THSD7A: variants seen among roughly 807,000 people sequenced by gnomAD.
The protein encoded by THSD7A is thrombospondin type-1 domain-containing protein 7A.
In THSD7A, 96 loss-of-function variants were observed where a neutral mutation model predicts 231.3. That is an observed-to-expected ratio of 0.41 (90% CI 0.35 to 0.49). THSD7A has a LOEUF of 0.49. Among genes scored for constraint, THSD7A ranks in the 20% least tolerant of loss-of-function variants. THSD7A has a pLI of 0.05. For missense variants in THSD7A, 2,290 were observed against 2,070.2 expected, an observed-to-expected ratio of 1.11 and a Z score of -2.06; for synonymous variants, 940 against 743.3, an observed-to-expected ratio of 1.26 and a Z score of -4.30.
intron 6 of THSD7A, among the ~76,000 whole-genome samples, chr7:11,484,735 T>C (rs1407123806): frequency 6.6e-6 from 1 of 152,078 alleles, no homozygotes; most frequent in Non-Finnish European, 1.5e-5. Context: ...AATAGAGATC[T>C]AAGCACAGTA....
At chr7:11,484,222 C>T (rs1786551945) in intron 6 of THSD7A, among the ~76,000 whole-genome samples, 1 of 152,086 alleles carries the variant, frequency 6.6e-6, no homozygotes, top group Non-Finnish European at 1.5e-5. Context: ...CCAACCCTTC[C>T]AGGTATGATC....
intron 13 of THSD7A, among the ~76,000 whole-genome samples, chr7:11,431,245 T>C (rs775393099): frequency 3.3e-5 from 5 of 152,252 alleles, no homozygotes; most frequent in Non-Finnish European, 4.4e-5. Flanking sequence ...TTGTTAGTGC[T>C]TTGGTATTAT....
At chr7:11,439,891 C>T (rs1784748722) in intron 13 of THSD7A, among the ~76,000 whole-genome samples, 1 of 152,014 alleles carries the variant, frequency 6.6e-6, no homozygotes, top group Non-Finnish European at 1.5e-5. Context: ...ATTAAGATGA[C>T]TACATTAAGC....
chr7:11,493,681 A>G (rs1786988397), intron 6 of THSD7A, among the ~76,000 whole-genome samples: 1 of 152,052 alleles, frequency 6.6e-6, no homozygotes, highest in African/African-American at 2.4e-5. Context: ...CCATTGTACC[A>G]TTTTAATTTG....
At chr7:11,786,510 A>G (rs1363650712) in intron 1 of THSD7A, among the ~76,000 whole-genome samples, 1 of 152,064 alleles carries the variant, frequency 6.6e-6, no homozygotes, top group African/African-American at 2.4e-5. Flanking sequence ...GTAATGCTAC[A>G]AAAGGTATGA....
chr7:11,541,554 G>C lies in THSD7A; in HGVS notation c.1687C>G (p.Leu563Val). The change falls in exon 6 of 28, where the codon CTG becomes GTG. Residue 563 changes from leucine to valine, a missense_variant. By Grantham distance (32) the Leu-to-Val change is conservative. Transcript: ENST00000423059. The part of the protein sequence containing the change: ...SGVTGNCPHL[L>V]EAIPCEEPAC... ...GGCTCTTCACAGGGAATGGCTTCCA[G>C]TAAGTGAGGGCAGTTTCCGGTTACC... The C allele has an allele frequency of 6.2e-7, 1 of 1,613,954 alleles. No homozygotes were observed. The highest frequency in any genetic ancestry group is 1.1e-5 in the South Asian group (1 of 91,086).
rs1782566872 is a variant in THSD7A at position 11,653,063 on chromosome 7, A to T, written c.191-16102T>A. On this transcript the variant is annotated intron_variant, in intron 1 of 27. Coordinates refer to ENST00000423059, the MANE Select transcript of THSD7A (RefSeq NM_015204.3). ...TTTATATGGCATTTATTGTTTACTT[A>T]TTCTATAGAAGACACTGTATTGTTT... Among the ~76,000 whole-genome samples the T allele has an allele frequency of 3.3e-5, 5 of 152,026 alleles. No homozygotes were observed. The South Asian group carries it at 1.0e-3, about 32-fold the overall frequency.
intron 1 of THSD7A, among the ~76,000 whole-genome samples, chr7:11,658,533 C>G (rs1782793980): frequency 1.3e-5 from 2 of 151,496 alleles, no homozygotes; most frequent in Admixed American, 1.3e-4. Context: ...GTTACATTTT[C>G]ATAGGTTCTA....
At chr7:11,749,973 A>C (rs1316139816) in intron 1 of THSD7A, among the ~76,000 whole-genome samples, 1 of 151,934 alleles carries the variant, frequency 6.6e-6, no homozygotes, top group Non-Finnish European at 1.5e-5. Context: ...GGCAGTTGTT[A>C]ATATAATAAT....
intron 1 of THSD7A, among the ~76,000 whole-genome samples, chr7:11,702,680 G>T (rs1780642407): frequency 6.6e-6 from 1 of 151,172 alleles, no homozygotes. Context: ...GAATCTTGGG[G>T]AGTCATTTTA....
Position 11,431,188 on chromosome 7 carries a change from CA to C in THSD7A, c.3065-2064del, listed in dbSNP as rs761792233. Among the ~76,000 whole-genome samples the C allele has an allele frequency of 2.2e-4, 33 of 152,258 alleles. No individual in the cohort carries two copies. In the South Asian group the frequency reaches 3.1e-3, roughly 14 times the overall value. Reference sequence around the variant, plus strand: ...TAAAATTTTGGTGTTGTTTGAAGAACAAAAGTTTTAAATGTCAATGAAGTCC... The same window carrying C: ...TAAAATTTTGGTGTTGTTTGAAGAACAAAGTTTTAAATGTCAATGAAGTCC... On this transcript the variant is annotated intron_variant, in intron 13 of 27. Coordinates refer to ENST00000423059, the MANE Select transcript of THSD7A (RefSeq NM_015204.3).
intron 2 of THSD7A, among the ~76,000 whole-genome samples, chr7:11,594,929 G>GA (rs1162687228): frequency 6.6e-6 from 1 of 152,214 alleles, no homozygotes; most frequent in Non-Finnish European, 1.5e-5. Context: ...TTGGAATGCA[G>GA]ACGTGTGGGG....
Position 11,542,833 on chromosome 7 carries a change from T to A in THSD7A, c.1609+129A>T, listed in dbSNP as rs980687546. 14 of 1,028,004 alleles carry A rather than the reference T, an allele frequency of 1.4e-5. 2 individuals are homozygous for A. The highest frequency in any genetic ancestry group is 3.0e-5 in the Admixed American group (1 of 33,726). 63.7% of individuals were successfully genotyped at this position (1,028,004 alleles called of 1,614,324 possible). ...CACTGGAGAAGGTTAATTCATCTTT[T>A]GAAATTAATAGTCTTTAGCCATTCT... On this transcript the variant is annotated intron_variant, in intron 5 of 27. Coordinates refer to ENST00000423059, the MANE Select transcript of THSD7A (RefSeq NM_015204.3).
intron 11 of THSD7A, among the ~76,000 whole-genome samples, chr7:11,454,792 T>G (rs1785252074): frequency 6.6e-6 from 1 of 151,994 alleles, no homozygotes; most frequent in South Asian, 2.1e-4. Context: ...AGAGAATGTA[T>G]TATATTGAAT....
chr7:11,403,356 A>AG (rs111802654), intron 22 of THSD7A, among the ~76,000 whole-genome samples: 4 of 152,328 alleles, frequency 2.6e-5, no homozygotes, highest in African/African-American at 7.2e-5. Context: ...TGATTTTTGT[A>AG]GGCCTTTATT....
At chr7:11,699,655 G>T (rs901698618) in intron 1 of THSD7A, among the ~76,000 whole-genome samples, 1 of 151,280 alleles carries the variant, frequency 6.6e-6, no homozygotes, top group African/African-American at 2.4e-5. Flanking sequence ...ATAAATAAAT[G>T]TTGCATATAC....
rs1583320117 is a variant in THSD7A, at chr7:11,823,985, A to G, written c.190+7772T>C. Among the ~76,000 whole-genome samples, 9 of 152,154 alleles carry G rather than the reference A, an allele frequency of 5.9e-5. No homozygotes were observed. In the South Asian group the frequency reaches 1.9e-3, roughly 32 times the overall value. On this transcript the variant is annotated intron_variant, in intron 1 of 27. Transcript: ENST00000423059. ...TTAAAAATAATTCAAATGATCACCT[A>G]TGAAGTAAAAATGGAACAATGCACA... is the stretch of plus-strand genomic sequence containing the variant.
intron 1 of THSD7A, among the ~76,000 whole-genome samples, chr7:11,830,945 G>A (rs1185514344): frequency 6.6e-6 from 1 of 152,114 alleles, no homozygotes; most frequent in South Asian, 2.1e-4. Flanking sequence ...GGTCCCCTAA[G>A]GAATTCTCAA....
At chr7:11,809,612 A>T (rs1374579833) in intron 1 of THSD7A, among the ~76,000 whole-genome samples, 3 of 152,168 alleles carry the variant, frequency 2.0e-5, no homozygotes, top group Admixed American at 2.0e-4. Context: ...ATAAGAATTA[A>T]CTATGGTAAA....
Sources: gnomAD v4.1 joint callset for allele counts (sites outside exome capture counted in the v4.1 genomes callset) on GRCh38, gnomAD v4.1.1 for gene constraint, MANE v1.5 for transcripts, NCBI Gene and HGNC (gene_info 2026-07-23, HGNC 2026-07-21) for gene names.